The following DMD variants were observed in gnomAD, a reference collection of about 807,000 sequenced individuals.
DMD encodes the protein mutant dystrophin.
Under a neutral mutation model 330.1 loss-of-function variants are expected in DMD, and 63 were observed. The observed-to-expected ratio is 0.19, with a 90% CI of 0.16 to 0.24. The LOEUF (loss-of-function observed/expected upper bound fraction) is 0.24, where lower values mean the gene tolerates loss of function less well. DMD is among the 10% of genes least tolerant of loss of function. DMD has a pLI of 1.00. For synonymous variants in DMD, 1,223 were observed against 959.8 expected (o/e 1.27, Z -5.07); for missense variants, 3,344 against 2,684.1 (o/e 1.25, Z -5.43).
intron 9 of DMD, among the ~76,000 whole-genome samples, chrX:32,684,094 G>T (rs964838870): frequency 5.2e-4 from 56 of 107,187 alleles, no homozygotes; most frequent in African/African-American, 1.9e-3. Context: ...TAGTTATGAG[G>T]ATGAGACTAG....
At chrX:32,699,429 C>G in intron 7 of DMD, 136 bp from the exon 8 acceptor site, 1 of 541,017 alleles carries the variant, frequency 1.8e-6, no homozygotes, top group Non-Finnish European at 3.1e-6. Context: ...CCTCCAGAGA[C>G]TAATTAGAAC....
chrX:32,343,835 T>C (rs1345419983), intron 39 of DMD, among the ~76,000 whole-genome samples: 1 of 111,993 alleles, frequency 8.9e-6, no homozygotes, highest in Non-Finnish European at 1.9e-5. Flanking sequence ...AGTTGTCTTA[T>C]AAACTGTTCC....
At chrX:31,998,035 C>T (rs1438183836) in intron 44 of DMD, among the ~76,000 whole-genome samples, 1 of 111,404 alleles carries the variant, frequency 9.0e-6, no homozygotes, top group Non-Finnish European at 1.9e-5. Flanking sequence ...GAAGTGAGCT[C>T]CCATTCCATG....
chrX:31,523,944 T>C (rs1013759589), intron 55 of DMD, among the ~76,000 whole-genome samples: 14 of 112,203 alleles, frequency 1.2e-4, no homozygotes, highest in African/African-American at 4.5e-4. Flanking sequence ...CCCAGCGGTA[T>C]AGTTATTTTT....
intron 17 of DMD, among the ~76,000 whole-genome samples, chrX:32,518,947 G>A (rs1278368298): frequency 1.0e-5 from 1 of 99,537 alleles, no homozygotes; most frequent in African/African-American, 3.7e-5. Context: ...TTTGGTGTGA[G>A]TTGTTATGCT....
intron 1 of DMD, among the ~76,000 whole-genome samples, chrX:33,306,055 C>CCA (rs1243912028): frequency 8.9e-6 from 1 of 111,793 alleles, no homozygotes; most frequent in African/African-American, 3.3e-5. Flanking sequence ...CTAGCCTGAG[C>CCA]CACACACAAT....
chrX:32,934,555 G>C (rs2089844717), intron 2 of DMD, among the ~76,000 whole-genome samples: 1 of 110,771 alleles, frequency 9.0e-6, no homozygotes, highest in African/African-American at 3.3e-5. Flanking sequence ...GCTACACTGG[G>C]CCCCAAGATC....
intron 76 of DMD, among the ~76,000 whole-genome samples, chrX:31,139,937 A>G (rs962816673): frequency 8.9e-6 from 1 of 112,694 alleles, no homozygotes; most frequent in Non-Finnish European, 1.9e-5. Flanking sequence ...GTCCAAATAA[A>G]TCACTGAAAC....
intron 44 of DMD, among the ~76,000 whole-genome samples, chrX:32,177,453 T>C (rs991673500): frequency 3.6e-5 from 4 of 112,140 alleles, no homozygotes; most frequent in African/African-American, 1.3e-4. Context: ...TCTCTGACAC[T>C]CTCAGGCTTA....
At chrX:31,970,106 T>C (rs1265195333) in intron 44 of DMD, among the ~76,000 whole-genome samples, 1 of 111,992 alleles carries the variant, frequency 8.9e-6, no homozygotes, top group Non-Finnish European at 1.9e-5. Flanking sequence ...TCAGATATTG[T>C]GTCTTATTCA....
intron 1 of DMD, among the ~76,000 whole-genome samples, chrX:33,175,522 T>C (rs940360094): frequency 2.7e-5 from 3 of 112,424 alleles, no homozygotes; most frequent in Non-Finnish European, 5.6e-5. Context: ...TGAGTACCAA[T>C]TATACACTAT....
chrX:32,678,616 C>T (rs1569445686), intron 9 of DMD, among the ~76,000 whole-genome samples: 1 of 110,916 alleles, frequency 9.0e-6, no homozygotes, highest in African/African-American at 3.3e-5. Flanking sequence ...AATATGAGTA[C>T]ATTCTACGAA....
intron 1 of DMD, among the ~76,000 whole-genome samples, chrX:33,176,169 C>T (rs967347519): frequency 1.8e-5 from 2 of 111,572 alleles, no homozygotes; most frequent in South Asian, 7.5e-4. Context: ...CTTCCACATG[C>T]CCACTTCAAC....
intron 48 of DMD, among the ~76,000 whole-genome samples, chrX:31,852,472 C>G: frequency 8.9e-6 from 1 of 111,823 alleles, no homozygotes; most frequent in Non-Finnish European, 1.9e-5. Flanking sequence ...TAAGTCCTTA[C>G]TGGTGAAGAG....
At chrX:33,211,156 A>G in intron 1 of DMD, 126 bp downstream of exon 1, 1 of 791,506 alleles carries the variant, frequency 1.3e-6, no homozygotes, top group Non-Finnish European at 1.8e-6. Flanking sequence ...TATGCAGTAT[A>G]TATAACATTT....
intron 44 of DMD, among the ~76,000 whole-genome samples, chrX:32,093,432 C>T (rs1040888690): frequency 3.6e-5 from 4 of 111,983 alleles, no homozygotes; most frequent in Non-Finnish European, 3.8e-5. Context: ...AAAGTGTTTA[C>T]AACACAGAAG....
At chrX:32,233,334 G>A (rs1330896409) in intron 43 of DMD, among the ~76,000 whole-genome samples, 1 of 110,883 alleles carries the variant, frequency 9.0e-6, no homozygotes, top group Non-Finnish European at 1.9e-5. Context: ...TGATGTTACT[G>A]GGGTGGGGAG....
intron 1 of DMD, among the ~76,000 whole-genome samples, chrX:33,204,225 G>A (rs568566777): frequency 8.9e-6 from 1 of 111,746 alleles, no homozygotes; most frequent in African/African-American, 3.2e-5. Flanking sequence ...TTAGTATAAA[G>A]AGAAAAATAA....
At chrX:32,887,093 A>C (rs2084663305) in intron 2 of DMD, among the ~76,000 whole-genome samples, 1 of 112,073 alleles carries the variant, frequency 8.9e-6, no homozygotes, top group South Asian at 3.7e-4. Context: ...CACACCTGTA[A>C]TCCCAGCACT....
Sources: allele counts gnomAD v4.1 joint callset (sites outside exome capture counted in the v4.1 genomes callset), GRCh38; gene constraint gnomAD v4.1.1; transcripts MANE v1.5; gene names NCBI Gene and HGNC (gene_info 2026-07-23, HGNC 2026-07-21).